LRRK2: variants seen among roughly 807,000 people sequenced by gnomAD.
LRRK2 encodes leucine-rich repeat serine/threonine-protein kinase 2.
LRRK2 carries 203 observed loss-of-function variants against 302.6 expected under a neutral mutation model. That is an observed-to-expected ratio of 0.67 (90% CI 0.60 to 0.75). The LOEUF (loss-of-function observed/expected upper bound fraction) is 0.75. Ranked by LOEUF, LRRK2 falls within the 30% of genes least tolerant of loss-of-function variation. The pLI is 0.00. For missense variants in LRRK2, 2,830 were observed against 2,951.0 expected (o/e 0.96, Z 0.95); for synonymous variants, 1,066 against 1,031.9 (o/e 1.03, Z -0.63).
intron 18 of LRRK2, 42 bp downstream of exon 18, chr12:40,278,303 T>C: frequency 6.2e-7 from 1 of 1,608,792 alleles, no homozygotes. Context: ...CTCAGTATTC[T>C]TATAGAATGT....
chr12:40,348,242 A>G (rs1436447816), intron 42 of LRRK2, among the ~76,000 whole-genome samples, 167 bp from the exon 43 acceptor site: 1 of 152,210 alleles, frequency 6.6e-6, no homozygotes, highest in Non-Finnish European at 1.5e-5. Flanking sequence ...GTGGAGATCA[A>G]GTTAACAAAA....
chr12:40,367,436 CTA>C (rs1353076239), intron 50 of LRRK2: 10 of 428,428 alleles, frequency 2.3e-5, no homozygotes, highest in Non-Finnish European at 4.0e-5. Flanking sequence ...TGTTGATACT[CTA>C]TTTGAAATTT....
At chr12:40,255,341 C>T (rs980407477) in intron 11 of LRRK2, among the ~76,000 whole-genome samples, 6 of 152,086 alleles carry the variant, frequency 3.9e-5, no homozygotes, top group East Asian at 1.9e-4. Flanking sequence ...ACCTGCAGGG[C>T]GTCGCATATT....
chr12:40,351,578 A>T lies in LRRK2; in HGVS notation c.6421A>T (p.Thr2141Ser). 1 of 1,614,184 alleles carries T rather than the reference A, an allele frequency of 6.2e-7. No homozygotes were observed. Among genetic ancestry groups the T allele is most frequent in the African/African-American group, 1.3e-5 (1 of 75,042 alleles). ...GAATTCAGCTGAATTAGTCTGTCTG[A>T]CGAGACGCATTTTATTACCTAAAAA... Reference protein sequence around the residue: ...ILNSAELVCLTRRILLPKNVI... With the variant: ...ILNSAELVCLSRRILLPKNVI... The change falls in exon 44 of 51, where the codon ACG becomes TCG. Residue 2141 changes from threonine to serine, a missense_variant. Transcript: ENST00000298910.
At chr12:40,313,264 A>G (rs1945095249) in intron 31 of LRRK2, among the ~76,000 whole-genome samples, 1 of 152,066 alleles carries the variant, frequency 6.6e-6, no homozygotes, top group Admixed American at 6.6e-5. Flanking sequence ...TTTGGAAGAT[A>G]CTTTTATTGT....
chr12:40,253,055 A>T, intron 11 of LRRK2, 39 bp downstream of exon 11: 1 of 1,324,336 alleles, frequency 7.6e-7, no homozygotes, highest in Non-Finnish European at 1.1e-6. Context: ...AGGGAAACAC[A>T]TTTTTGTGGT....
At chr12:40,363,634 C>A in intron 48 of LRRK2, 80 bp downstream of exon 48, 2 of 1,485,554 alleles carry the variant, frequency 1.3e-6, no homozygotes, top group Non-Finnish European at 1.9e-6. Flanking sequence ...GATTTTTCTT[C>A]CTTTCTGCCT....
rs1221039857 is a variant in LRRK2 at position 40,257,124 on chromosome 12, TA to T, written c.1289-121del. The T allele has an allele frequency of 4.2e-6, 3 of 709,890 alleles. No individual in the cohort carries two copies. The East Asian group carries it at 8.3e-5, about 20-fold the overall frequency. The allele number at this position is 709,890 out of a possible 1,614,324, so 44.0% of individuals were successfully genotyped here. ...TTATCTTTAAGCTGTCAATGAACTA[TA>T]AATTATGTGTGCTCTTGTATATGCT... On this transcript the variant is annotated intron_variant, in intron 11 of 50. Transcript: ENST00000298910.
In LRRK2 at chr12:40,366,959, T is replaced by C. The variant is rs1026145285; in HGVS notation, c.7391-47T>C. 4 of 1,432,154 alleles carry C rather than the reference T, an allele frequency of 2.8e-6. No homozygotes were observed. In the Admixed American group the frequency reaches 5.1e-5, roughly 18 times the overall value. The allele number at this position is 1,432,154 out of a possible 1,614,324, so 88.7% of individuals were successfully genotyped here. A position where few individuals can be genotyped will look rare whatever the true frequency, so the allele number is the denominator to read the frequency against. On this transcript the variant is annotated intron_variant, in intron 49 of 50. Transcript: ENST00000298910. ...ACTTTACTTTTTTTTCAGGCCAGTT[T>C]AATATATAGTTTTAACAGAAAACTT... is the stretch of plus-strand genomic sequence containing the variant.
chr12:40,290,221 C>G (rs915897491), intron 20 of LRRK2, among the ~76,000 whole-genome samples: 1 of 151,972 alleles, frequency 6.6e-6, no homozygotes, highest in African/African-American at 2.4e-5. Flanking sequence ...GTCAAATACA[C>G]TGACTGATTT....
intron 7 of LRRK2, 36 bp downstream of exon 7, chr12:40,243,717 A>G: frequency 6.3e-7 from 1 of 1,581,896 alleles, no homozygotes; most frequent in Non-Finnish European, 8.7e-7. Context: ...CACACACTGT[A>G]TGATATACAT....
At chr12:40,349,678 A>G (rs977396031) in intron 43 of LRRK2, among the ~76,000 whole-genome samples, 14 of 142,704 alleles carry the variant, frequency 9.8e-5, no homozygotes, top group Non-Finnish European at 2.1e-4. Context: ...GACCTGGTTA[A>G]CTTTTCCTTT....
intron 41 of LRRK2, among the ~76,000 whole-genome samples, chr12:40,342,686 T>A (rs1592314319): frequency 6.6e-6 from 1 of 152,206 alleles, no homozygotes; most frequent in East Asian, 1.9e-4. Flanking sequence ...AGGAAACAGT[T>A]CCCTCTCATA....
intron 33 of LRRK2, among the ~76,000 whole-genome samples, chr12:40,317,942 A>G (rs1945276220): frequency 6.6e-6 from 1 of 152,104 alleles, no homozygotes; most frequent in Non-Finnish European, 1.5e-5. Flanking sequence ...GGCAAGGGTT[A>G]TTCACTTGGC....
At position 40,232,401 on chromosome 12, in the gene LRRK2, G is replaced by A. The variant is rs1478664488; in HGVS notation, c.347+18G>A. The A allele has an allele frequency of 1.3e-6, 2 of 1,572,842 alleles. No homozygotes were observed. Among genetic ancestry groups the A allele is most frequent in the East Asian group, 2.2e-5 (1 of 44,692 alleles). On this transcript the variant is annotated intron_variant, in intron 3 of 50. Transcript: ENST00000298910. Reference sequence around the variant, plus strand: ...GTTCACCAGTAAGTATGATAGATATGTAAAACAAATGGCCTTGAGTATTTA... The same window carrying A: ...GTTCACCAGTAAGTATGATAGATATATAAAACAAATGGCCTTGAGTATTTA...
intron 23 of LRRK2, among the ~76,000 whole-genome samples, chr12:40,297,965 G>A (rs1421997282): frequency 6.6e-6 from 1 of 151,824 alleles, no homozygotes; most frequent in East Asian, 1.9e-4. Flanking sequence ...TGCTCTTTCT[G>A]GAAATAATTT....
intron 23 of LRRK2, among the ~76,000 whole-genome samples, chr12:40,297,903 TTTG>T (rs1486295418): frequency 6.6e-6 from 1 of 152,142 alleles, no homozygotes; most frequent in Non-Finnish European, 1.5e-5. Context: ...TATTGTACTT[TTTG>T]TTAAATCATT....
intron 12 of LRRK2, 149 bp downstream of exon 12, chr12:40,257,526 C>T: frequency 1.2e-6 from 1 of 853,756 alleles, no homozygotes; most frequent in Admixed American, 2.3e-5. Context: ...TCTCGTGTCA[C>T]TAGTACCATA....
intron 14 of LRRK2, among the ~76,000 whole-genome samples, chr12:40,266,581 G>A (rs1363326625): frequency 2.0e-5 from 3 of 152,108 alleles, no homozygotes; most frequent in Admixed American, 1.3e-4. Flanking sequence ...AACCATTGTG[G>A]AAGACAGTGT....
Sources: gnomAD v4.1 joint callset for allele counts (sites outside exome capture counted in the v4.1 genomes callset) on GRCh38, gnomAD v4.1.1 for gene constraint, MANE v1.5 for transcripts, NCBI Gene and HGNC (gene_info 2026-07-23, HGNC 2026-07-21) for gene names.